Variants in XKR4 observed in about 807,000 individuals in gnomAD.
XKR4 encodes XK-related protein 4.
In XKR4, 12 loss-of-function variants were observed where a neutral mutation model predicts 53.9. The observed-to-expected ratio is 0.22, with a 90% CI of 0.14 to 0.36. The LOEUF (loss-of-function observed/expected upper bound fraction) is 0.36, where lower values mean the gene tolerates loss of function less well. Among genes scored for constraint, XKR4 ranks in the 10% least tolerant of loss-of-function variants. The pLI, the probability that XKR4 is intolerant of heterozygous loss-of-function variation, is 1.00. For synonymous variants in XKR4, 354 were observed against 362.4 expected, an observed-to-expected ratio of 0.98 and a Z score of 0.26; for missense variants, 799 against 859.5, an observed-to-expected ratio of 0.93 and a Z score of 0.88.
At chr8:55,477,568 C>A (rs1477915933) in intron 2 of XKR4, among the ~76,000 whole-genome samples, 1 of 152,060 alleles carries the variant, frequency 6.6e-6, no homozygotes, top group Admixed American at 6.6e-5. Flanking sequence ...ATGACTTTGA[C>A]AAGATGAGAG....
At chr8:55,227,926 A>C (rs1022092092) in intron 1 of XKR4, among the ~76,000 whole-genome samples, 2 of 151,908 alleles carry the variant, frequency 1.3e-5, no homozygotes, top group Admixed American at 1.3e-4. Context: ...TGTTTTTTTG[A>C]GATAGAGTCT....
chr8:55,462,726 A>G (rs908436266), intron 2 of XKR4, among the ~76,000 whole-genome samples: 1 of 152,166 alleles, frequency 6.6e-6, no homozygotes, highest in African/African-American at 2.4e-5. Flanking sequence ...TATTCAGGAA[A>G]CCCATCTCAC....
intron 1 of XKR4, among the ~76,000 whole-genome samples, chr8:55,251,435 A>G (rs910587053): frequency 1.3e-5 from 2 of 152,206 alleles, no homozygotes; most frequent in African/African-American, 4.8e-5. Flanking sequence ...GCAGGTTTAT[A>G]TAAAATTTTG....
chr8:55,390,005 G>A (rs1804420698), intron 2 of XKR4, among the ~76,000 whole-genome samples: 1 of 152,108 alleles, frequency 6.6e-6, no homozygotes, highest in African/African-American at 2.4e-5. Context: ...CCTCTGAAAT[G>A]CCCCTCAGTC....
chr8:55,163,477 A>T (rs569488369), intron 1 of XKR4, among the ~76,000 whole-genome samples: 1 of 152,284 alleles, frequency 6.6e-6, no homozygotes, highest in East Asian at 1.9e-4. Context: ...TTCCCAGTTT[A>T]TTCCTGTGGA....
chr8:55,292,882 C>G (rs1176441565), intron 1 of XKR4, among the ~76,000 whole-genome samples: 1 of 151,960 alleles, frequency 6.6e-6, no homozygotes, highest in Non-Finnish European at 1.5e-5. Flanking sequence ...TTGAAACTTC[C>G]TCTTTGGTCC....
intron 1 of XKR4, among the ~76,000 whole-genome samples, chr8:55,353,414 C>A (rs1295994029): frequency 6.6e-6 from 1 of 152,110 alleles, no homozygotes; most frequent in African/African-American, 2.4e-5. Context: ...CCTCTACAAG[C>A]TGAGGAATGC....
chr8:55,368,358 C>A (rs1303067935), intron 2 of XKR4, among the ~76,000 whole-genome samples: 2 of 152,132 alleles, frequency 1.3e-5, no homozygotes, highest in African/African-American at 4.8e-5. Context: ...GTGACAAGGC[C>A]CCTGCTGTGG....
intron 1 of XKR4, among the ~76,000 whole-genome samples, chr8:55,160,804 T>C (rs905561061): frequency 1.3e-5 from 2 of 152,228 alleles, no homozygotes; most frequent in African/African-American, 4.8e-5. Flanking sequence ...GTTACATTTC[T>C]CTATTTCTAG....
intron 1 of XKR4, chr8:55,142,125 C>T: frequency 2.2e-6 from 1 of 456,098 alleles, no homozygotes; most frequent in Non-Finnish European, 4.4e-6. Context: ...CTCCCTACCT[C>T]CATTCTTTCC....
intron 2 of XKR4, among the ~76,000 whole-genome samples, chr8:55,484,744 T>C (rs1806167612): frequency 6.6e-6 from 1 of 152,194 alleles, no homozygotes; most frequent in African/African-American, 2.4e-5. Context: ...TGGGCCTCCT[T>C]CAACCCACTG....
chr8:55,106,412 A>G (rs917797475), intron 1 of XKR4, among the ~76,000 whole-genome samples: 2 of 152,208 alleles, frequency 1.3e-5, no homozygotes, highest in African/African-American at 4.8e-5. Context: ...AGCTTGGGAA[A>G]GAGCTATTTG....
intron 1 of XKR4, among the ~76,000 whole-genome samples, chr8:55,289,677 G>GAA (rs201871671): frequency 0.35 from 44,266 of 124,864 alleles, 8,856 homozygotes; most frequent in East Asian, 0.49. Flanking sequence ...AGAAAAGAAA[G>GAA]AGAAAGAAAG....
intron 1 of XKR4, among the ~76,000 whole-genome samples, chr8:55,129,337 C>T (rs529222470): frequency 2.6e-5 from 4 of 152,282 alleles, no homozygotes; most frequent in Admixed American, 6.5e-5. Context: ...TTCTCCTATC[C>T]GTTCTCACTC....
chr8:55,302,556 G>A (rs1426539393), intron 1 of XKR4, among the ~76,000 whole-genome samples: 1 of 152,144 alleles, frequency 6.6e-6, no homozygotes, highest in African/African-American at 2.4e-5. Flanking sequence ...GCTTGATGGG[G>A]ATGGCATTGA....
chr8:55,392,093 G>C (rs1804451440), intron 2 of XKR4, among the ~76,000 whole-genome samples: 1 of 152,218 alleles, frequency 6.6e-6, no homozygotes. Context: ...TATAGTTCAA[G>C]TTTAACTTGT....
chr8:55,328,966 C>T (rs1331879599), intron 1 of XKR4, among the ~76,000 whole-genome samples: 1 of 152,162 alleles, frequency 6.6e-6, no homozygotes, highest in East Asian at 1.9e-4. Flanking sequence ...TCCACTACCT[C>T]GCAGACACCC....
chr8:55,409,816 T>A (rs1804748985), intron 2 of XKR4, among the ~76,000 whole-genome samples: 1 of 152,196 alleles, frequency 6.6e-6, no homozygotes, highest in African/African-American at 2.4e-5. Flanking sequence ...TTCTGTTGAA[T>A]TCCAACAGAC....
chr8:55,440,055 A>C (rs1805242218), intron 2 of XKR4, among the ~76,000 whole-genome samples: 1 of 152,198 alleles, frequency 6.6e-6, no homozygotes. Context: ...CAAGAACAGA[A>C]ATGGAAGTTA....
Sources: gnomAD v4.1 joint callset for allele counts (sites outside exome capture counted in the v4.1 genomes callset) on GRCh38, gnomAD v4.1.1 for gene constraint, MANE v1.5 for transcripts, NCBI Gene and HGNC (gene_info 2026-07-23, HGNC 2026-07-21) for gene names.